The following KANTR variants were observed in gnomAD, a reference collection of about 807,000 sequenced individuals.
KANTR encodes KDM5C adjacent transcript.
chrX:53,120,232 C>T (rs1474738702), intron 2 of KANTR, among the ~76,000 whole-genome samples: 6 of 110,848 alleles, frequency 5.4e-5, no homozygotes, highest in African/African-American at 1.6e-4. Context: ...GACAGGGTTT[C>T]GCCATGTTCC....
chrX:53,124,607 G>GAT (rs782202167), exon 3 of KANTR: 6 of 291,861 alleles, frequency 2.1e-5, no homozygotes, highest in Non-Finnish European at 3.0e-5. Context: ...CATAAGTTTA[G>GAT]ATATGTAGTA....
intron 2 of KANTR, among the ~76,000 whole-genome samples, chrX:53,109,376 C>A (rs969462946): frequency 1.8e-5 from 2 of 112,372 alleles, no homozygotes; most frequent in Non-Finnish European, 3.8e-5. Flanking sequence ...CCTCCGCCTC[C>A]CAGTTTCAAA....
chrX:53,099,445 C>A (rs1286084997), intron 1 of KANTR, 27 bp from the exon 2 acceptor site: 1 of 111,895 alleles, frequency 8.9e-6, no homozygotes, highest in Admixed American at 9.5e-5. Flanking sequence ...AATTCTGATT[C>A]TCTCGTTATT....
intron 2 of KANTR, among the ~76,000 whole-genome samples, chrX:53,108,315 C>T (rs1468192191): frequency 1.8e-5 from 2 of 109,120 alleles, no homozygotes; most frequent in Non-Finnish European, 3.8e-5. Context: ...AATTCTTGTG[C>T]CTCAGCCTCC....
At chrX:53,108,786 G>A (rs1293517642) in intron 2 of KANTR, among the ~76,000 whole-genome samples, 1 of 108,646 alleles carries the variant, frequency 9.2e-6, no homozygotes, top group Non-Finnish European at 1.9e-5. Context: ...CTGCAACCTC[G>A]AACTCTCGGG....
downstream of KANTR, among the ~76,000 whole-genome samples, chrX:53,129,062 CTTCTTT>C (rs1933325912): frequency 1.2e-5 from 1 of 83,635 alleles, no homozygotes; most frequent in African/African-American, 4.2e-5. Context: ...TTTTCTTCTT[CTTCTTT>C]TTTTTTTTTT....
intron 2 of KANTR, among the ~76,000 whole-genome samples, chrX:53,106,434 G>A (rs1477076739): frequency 9.1e-6 from 1 of 109,761 alleles, no homozygotes; most frequent in Non-Finnish European, 1.9e-5. Flanking sequence ...ACAGGGTCTC[G>A]TTCTGTCACC....
At chrX:53,108,417 G>A in intron 2 of KANTR, among the ~76,000 whole-genome samples, 1 of 110,041 alleles carries the variant, frequency 9.1e-6, no homozygotes. Flanking sequence ...GGCCAGGCTG[G>A]TCTCGAACTC....
intron 2 of KANTR, among the ~76,000 whole-genome samples, chrX:53,106,582 T>G (rs1448437308): frequency 2.8e-5 from 3 of 108,928 alleles, no homozygotes; most frequent in Non-Finnish European, 1.9e-5. Flanking sequence ...TTTATATTTT[T>G]GTAGAGATGA....
In KANTR at chrX:53,122,810, A is replaced by C. The variant is rs782784083; in HGVS notation, c.-804-659A>C. ...AAACACAACTTGGTCATGGTCTTTC[A>C]TTTTTTATACAGGTTGGTGAACAAA... On this transcript the variant is annotated intron_variant, in intron 2 of 2. Coordinates refer to ENST00000604062, the Ensembl canonical transcript of KANTR. Among the ~76,000 whole-genome samples the C allele has an allele frequency of 6.3e-5, 7 of 111,825 alleles. No individual in the cohort carries two copies. In the South Asian group the frequency reaches 2.6e-3, roughly 41 times the overall value.
chrX:53,109,797 C>T (rs1933005069), intron 2 of KANTR, among the ~76,000 whole-genome samples: 1 of 107,024 alleles, frequency 9.3e-6, no homozygotes, highest in South Asian at 4.2e-4. Flanking sequence ...CTGTATTGCC[C>T]AAGCGGGAGT....
chrX:53,109,257 T>C (rs1258391093), intron 2 of KANTR, among the ~76,000 whole-genome samples: 1 of 112,185 alleles, frequency 8.9e-6, no homozygotes, highest in Non-Finnish European at 1.9e-5. Context: ...GTTAAATTTA[T>C]TCCTAAGTTT....
chrX:53,132,671 A>G (rs1255952710), intron 2 of KANTR, among the ~76,000 whole-genome samples: 1 of 111,471 alleles, frequency 9.0e-6, no homozygotes, highest in Non-Finnish European at 1.9e-5. Context: ...GGGCCCTCCA[A>G]AGAAATTCTC....
At chrX:53,124,656 C>T (rs1244202527) in exon 3 of KANTR, 3 of 283,155 alleles carry the variant, frequency 1.1e-5, no homozygotes, top group Non-Finnish European at 1.9e-5. Flanking sequence ...TCATTTCTAT[C>T]AAGGTTACTT....
rs782348561 is a variant in KANTR at position 53,116,689 on chromosome X, A to G, written c.-804-6780A>G. ...TTCTTTGGATGATGATTTTCACTTC[A>G]TTCTGTGGCTTTGGTTAATTGCCAG... On this transcript the variant is annotated intron_variant, in intron 2 of 2. Transcript: ENST00000604062. Among the ~76,000 whole-genome samples, 8 of 111,743 alleles carry G rather than the reference A, an allele frequency of 7.2e-5. No homozygotes were observed. The South Asian group carries it at 3.0e-3, about 43-fold the overall frequency.
intron 1 of KANTR, among the ~76,000 whole-genome samples, chrX:53,095,027 C>CA (rs1480901956): frequency 1.8e-5 from 2 of 111,793 alleles, no homozygotes; most frequent in African/African-American, 6.5e-5. Context: ...GTTTTACCCC[C>CA]GAGGACATGA....
intron 2 of KANTR, among the ~76,000 whole-genome samples, chrX:53,140,464 G>C (rs6418960): frequency 1.0e-5 from 1 of 98,530 alleles, no homozygotes; most frequent in Non-Finnish European, 2.0e-5. Context: ...TCACACTACT[G>C]CCCTCCAGCC....
intron 2 of KANTR, among the ~76,000 whole-genome samples, chrX:53,120,782 C>T (rs782808138): frequency 3.6e-5 from 4 of 110,899 alleles, no homozygotes; most frequent in South Asian, 7.6e-4. Flanking sequence ...AGTGCAGTGG[C>T]GTGATCTCGG....
At chrX:53,142,333 T>TTTTTA in exon 3 of KANTR, 2 of 113,987 alleles carry the variant, frequency 1.8e-5, no homozygotes, top group Non-Finnish European at 3.6e-5. Context: ...TTTTTTTTTT[T>TTTTTA]GAGACGTAGT....
Sources: allele counts gnomAD v4.1 joint callset (sites outside exome capture counted in the v4.1 genomes callset), GRCh38; gene constraint gnomAD v4.1.1; transcripts MANE v1.5; gene names NCBI Gene and HGNC (gene_info 2026-07-23, HGNC 2026-07-21).